Variants in PTP4A1 observed in about 807,000 individuals in gnomAD.
PTP4A1 encodes protein tyrosine phosphatase type IVA 1.
PTP4A1 carries 9 observed loss-of-function variants against 20.5 expected under a neutral mutation model. The ratio of observed to expected loss-of-function variants is 0.44; its 90% confidence interval spans 0.26 to 0.77. PTP4A1 has a LOEUF of 0.77. Among genes scored for constraint, PTP4A1 ranks in the 30% least tolerant of loss-of-function variants. PTP4A1 has a pLI of 0.19. For missense variants in PTP4A1, 137 were observed against 218.8 expected, an observed-to-expected ratio of 0.63 and a Z score of 2.36; for synonymous variants, 78 against 67.4, an observed-to-expected ratio of 1.16 and a Z score of -0.77.
chr6:63,554,980 T>G (rs1776617663), intron 3 of PTP4A1, among the ~76,000 whole-genome samples: 1 of 152,234 alleles, frequency 6.6e-6, no homozygotes, highest in South Asian at 2.1e-4. Context: ...TCGGAAGTTC[T>G]GAAGCACATG....
chr6:63,561,495 T>C (rs1776949085), intron 3 of PTP4A1, among the ~76,000 whole-genome samples: 1 of 152,232 alleles, frequency 6.6e-6, no homozygotes, highest in South Asian at 2.1e-4. Context: ...TAGACCTTTC[T>C]ATTCTGTGTA....
chr6:63,538,227 A>G (rs1466309153), intron 2 of PTP4A1, among the ~76,000 whole-genome samples: 2 of 152,212 alleles, frequency 1.3e-5, no homozygotes, highest in African/African-American at 4.8e-5. Flanking sequence ...AATGTTTCCC[A>G]AGTTCTGGTT....
chr6:63,518,499 A>G (rs1175690029), upstream of PTP4A1, among the ~76,000 whole-genome samples: 1 of 152,238 alleles, frequency 6.6e-6, no homozygotes, highest in Non-Finnish European at 1.5e-5. Flanking sequence ...TAGTCCACCT[A>G]ATCAGAATTC....
At chr6:63,532,183 T>G (rs1251184737) in intron 2 of PTP4A1, among the ~76,000 whole-genome samples, 2 of 152,222 alleles carry the variant, frequency 1.3e-5, no homozygotes, top group Non-Finnish European at 2.9e-5. Flanking sequence ...ATTCAATCTT[T>G]CCTCTCACAT....
chr6:63,543,919 C>G (rs1174842670), intron 2 of PTP4A1, among the ~76,000 whole-genome samples: 1 of 152,158 alleles, frequency 6.6e-6, no homozygotes, highest in African/African-American at 2.4e-5. Context: ...CCTTGTTATT[C>G]TGTTTTTAAG....
chr6:63,544,439 C>T (rs1776101881), intron 2 of PTP4A1, among the ~76,000 whole-genome samples: 1 of 152,040 alleles, frequency 6.6e-6, no homozygotes, highest in Non-Finnish European at 1.5e-5. Context: ...TATATATTCT[C>T]TTACATAACT....
intron 3 of PTP4A1, among the ~76,000 whole-genome samples, chr6:63,565,265 G>A (rs1777141041): frequency 6.6e-6 from 1 of 151,772 alleles, no homozygotes; most frequent in African/African-American, 2.4e-5. Flanking sequence ...AGCTCCTACA[G>A]AAGTAAATAC....
chr6:63,576,615 C>G lies in PTP4A1; in HGVS notation c.-266C>G. The G allele has an allele frequency of 2.0e-6, 1 of 488,606 alleles. No individual in the cohort carries two copies. 30.3% of individuals were successfully genotyped at this position (488,606 alleles called of 1,614,324 possible). A position where few individuals can be genotyped will look rare whatever the true frequency, so the allele number is the denominator to read the frequency against. On this transcript the variant is annotated 5_prime_UTR_variant, in exon 2 of 6. Coordinates refer to ENST00000626021, the MANE Select transcript of PTP4A1 (RefSeq NM_003463.5). ...CACAGAAGTGTTGAATTGAAATCCA[C>G]AGAGCATTTTACAAGAGTTCTGACC...
chr6:63,530,458 G>A (rs997989334), intron 2 of PTP4A1, among the ~76,000 whole-genome samples: 1 of 152,106 alleles, frequency 6.6e-6, no homozygotes, highest in African/African-American at 2.4e-5. Flanking sequence ...AGGTAAACAT[G>A]AAGGCTTAGA....
At chr6:63,544,171 C>T (rs550937271) in intron 2 of PTP4A1, among the ~76,000 whole-genome samples, 1 of 152,176 alleles carries the variant, frequency 6.6e-6, no homozygotes, top group African/African-American at 2.4e-5. Flanking sequence ...GAGGGCTTTA[C>T]CACAAATCAT....
chr6:63,577,632 C>T (rs1450875899), intron 2 of PTP4A1, among the ~76,000 whole-genome samples: 2 of 152,186 alleles, frequency 1.3e-5, no homozygotes, highest in African/African-American at 2.4e-5. Context: ...TCTCAGCCCA[C>T]TGCAACCTCT....
At chr6:63,526,398 C>A (rs1436987274) in intron 1 of PTP4A1, among the ~76,000 whole-genome samples, 6 of 152,008 alleles carry the variant, frequency 3.9e-5, no homozygotes, top group Non-Finnish European at 8.8e-5. Context: ...AGTTGAAATT[C>A]TATTATCAAA....
Position 63,578,460 on chromosome 6 carries a change from C to T in PTP4A1, c.129C>T (p.Thr43=), listed in dbSNP as rs748874149. Residue 43 remains threonine (T), a synonymous_variant, in exon 3 of 6, where the codon ACC becomes ACT. Transcript: ENST00000626021. The part of the protein sequence containing the change: ...FIEELKKYGV[T]TIVRVCEATY... ...AGGAACTTAAGAAGTATGGAGTTAC[C>T]ACAATAGTAAGAGTATGTGAAGCAA... 1 of 1,608,280 alleles carries T rather than the reference C, an allele frequency of 6.2e-7. No individual in the cohort carries two copies.
At position 63,582,972 on chromosome 6, in the gene PTP4A1, A is replaced by G. The variant is rs1778336607; in HGVS notation, c.*2798A>G. 6.6e-6 allele frequency: 1 copy of G among 152,100 alleles called. No homozygotes were observed. Among genetic ancestry groups the G allele is most frequent in the Non-Finnish European group, 1.5e-5 (1 of 68,034 alleles). 9.4% of individuals were successfully genotyped at this position (152,100 alleles called of 1,614,324 possible). ...CCCTCAACTTGGCTAAAGAATCTCA[A>G]TCTCTTGAAATTTATTTTTTTAATG... On this transcript the variant is annotated 3_prime_UTR_variant, in exon 6 of 6. Coordinates refer to ENST00000626021, the MANE Select transcript of PTP4A1 (RefSeq NM_003463.5).
chr6:63,539,830 A>G (rs896684630), intron 2 of PTP4A1, among the ~76,000 whole-genome samples: 5 of 152,220 alleles, frequency 3.3e-5, no homozygotes, highest in African/African-American at 1.2e-4. Flanking sequence ...TCAAAAGTTC[A>G]GCAAATGTGT....
At chr6:63,551,157 C>CAAGTGAG (rs1776422375) in intron 3 of PTP4A1, among the ~76,000 whole-genome samples, 1 of 152,116 alleles carries the variant, frequency 6.6e-6, no homozygotes, top group Non-Finnish European at 1.5e-5. Context: ...CCTCTGCTTT[C>CAAGTGAG]CAGGTTCAAG....
At chr6:63,525,618 G>C (rs1775127282) in intron 1 of PTP4A1, among the ~76,000 whole-genome samples, 1 of 152,126 alleles carries the variant, frequency 6.6e-6, no homozygotes, top group Non-Finnish European at 1.5e-5. Context: ...GTGCCATCCA[G>C]GCAGCTTCCT....
rs181517004 is a variant in PTP4A1, at chr6:63,560,688, G to T, written c.-446+10195G>T. Among the ~76,000 whole-genome samples the T allele has an allele frequency of 8.4e-4, 128 of 152,170 alleles. 3 individuals are homozygous for T. In the East Asian group the frequency reaches 0.018, roughly 21 times the overall value. ...CAAAATGCTGGGATTACAGGTGTGA[G>T]CCACCGCACCCAGCCACAAAGCCTA... On this transcript the variant is annotated intron_variant, in intron 3 of 3. Transcript: ENST00000639568.
intron 3 of PTP4A1, among the ~76,000 whole-genome samples, chr6:63,557,209 C>A (rs1776729095): frequency 6.6e-6 from 1 of 152,002 alleles, no homozygotes; most frequent in Admixed American, 6.6e-5. Flanking sequence ...TTGCAAGGTA[C>A]AATGGAAGTA....
Sources: gnomAD v4.1 joint callset for allele counts (sites outside exome capture counted in the v4.1 genomes callset) on GRCh38, gnomAD v4.1.1 for gene constraint, MANE v1.5 for transcripts, NCBI Gene and HGNC (gene_info 2026-07-23, HGNC 2026-07-21) for gene names.